The following SLC14A2 variants were observed in gnomAD, a reference collection of about 807,000 sequenced individuals.
SLC14A2 encodes urea transporter 2.
A neutral mutation model predicts 104.6 loss-of-function variants in SLC14A2; 91 were observed. The ratio of observed to expected loss-of-function variants is 0.87; its 90% confidence interval spans 0.73 to 1.04. SLC14A2 has a LOEUF of 1.04. Ranked by LOEUF, SLC14A2 falls within the 50% of genes least tolerant of loss-of-function variation. The pLI, the probability that SLC14A2 is intolerant of heterozygous loss-of-function variation, is 0.00. For missense variants in SLC14A2, 1,189 were observed against 1,156.0 expected (o/e 1.03, Z -0.41); for synonymous variants, 476 against 466.4 (o/e 1.02, Z -0.27).
At chr18:45,237,904 C>A (rs1200663960) in intron 1 of SLC14A2, among the ~76,000 whole-genome samples, 1 of 152,338 alleles carries the variant, frequency 6.6e-6, no homozygotes, top group East Asian at 1.9e-4. Context: ...TAGTTTAGTT[C>A]TTTTCCCTTG....
intron 1 of SLC14A2, among the ~76,000 whole-genome samples, chr18:45,261,965 T>A (rs1383082338): frequency 6.6e-6 from 1 of 152,198 alleles, no homozygotes; most frequent in African/African-American, 2.4e-5. Context: ...TAGTTCTAGA[T>A]CCCTGAGGAA....
intron 1 of SLC14A2, among the ~76,000 whole-genome samples, chr18:45,349,013 C>T (rs550704798): frequency 2.0e-5 from 3 of 152,160 alleles, no homozygotes; most frequent in Non-Finnish European, 4.4e-5. Context: ...GTGATAAACC[C>T]GTTGTTGACT....
chr18:45,665,228 G>T (rs946465974), intron 11 of SLC14A2, among the ~76,000 whole-genome samples: 2 of 152,102 alleles, frequency 1.3e-5, no homozygotes, highest in Non-Finnish European at 2.9e-5. Flanking sequence ...CAGAACGGGG[G>T]AACAGGCAAT....
chr18:45,660,983 T>G (rs1266573034), intron 10 of SLC14A2, among the ~76,000 whole-genome samples: 1 of 152,242 alleles, frequency 6.6e-6, no homozygotes, highest in Non-Finnish European at 1.5e-5. Context: ...GCTGCTGCCC[T>G]CCCTGGGTGG....
upstream of SLC14A2, among the ~76,000 whole-genome samples, chr18:45,208,434 C>T (rs2083933545): frequency 6.6e-6 from 1 of 152,134 alleles, no homozygotes; most frequent in African/African-American, 2.4e-5. Flanking sequence ...TGAGTTAACG[C>T]AGGTGGCCAA....
chr18:45,504,341 T>C (rs915393556), intron 2 of SLC14A2, among the ~76,000 whole-genome samples: 1 of 152,142 alleles, frequency 6.6e-6, no homozygotes, highest in Non-Finnish European at 1.5e-5. Flanking sequence ...ATAATGAATT[T>C]GCTAATCATA....
At chr18:45,183,675 C>T in the SLC14A2 span, among the ~76,000 whole-genome samples, 8 of 150,484 alleles carry the variant, frequency 5.3e-5, no homozygotes, top group African/African-American at 9.8e-5. Context: ...TTCTGTCTTT[C>T]TTTCTTTCTC....
intron 1 of SLC14A2, among the ~76,000 whole-genome samples, chr18:45,368,817 G>A (rs2085692755): frequency 6.6e-6 from 1 of 152,174 alleles, no homozygotes; most frequent in African/African-American, 2.4e-5. Context: ...GTTGGACACT[G>A]AAGTGTTCCG....
At chr18:45,342,237 T>A (rs1011738047) in intron 1 of SLC14A2, among the ~76,000 whole-genome samples, 1 of 152,140 alleles carries the variant, frequency 6.6e-6, no homozygotes, top group Non-Finnish European at 1.5e-5. Flanking sequence ...ATAATAATAA[T>A]AAAGGAATGC....
intron 1 of SLC14A2, among the ~76,000 whole-genome samples, chr18:45,402,417 T>C (rs1029072858): frequency 6.6e-6 from 1 of 152,250 alleles, no homozygotes; most frequent in Non-Finnish European, 1.5e-5. Flanking sequence ...CTCATCGCTG[T>C]CATTATTACT....
At chr18:45,399,107 C>G (rs1202545617) in intron 1 of SLC14A2, among the ~76,000 whole-genome samples, 2 of 152,054 alleles carry the variant, frequency 1.3e-5, no homozygotes, top group Admixed American at 6.6e-5. Context: ...TATGATTGCC[C>G]CCAATATTGA....
intron 1 of SLC14A2, among the ~76,000 whole-genome samples, chr18:45,451,864 T>C (rs1320526880): frequency 6.6e-6 from 1 of 152,182 alleles, no homozygotes; most frequent in African/African-American, 2.4e-5. Context: ...GATCATATTA[T>C]GGGTTCGGTT....
chr18:45,619,814 C>T (rs1352187738), intron 1 of SLC14A2, among the ~76,000 whole-genome samples: 1 of 152,198 alleles, frequency 6.6e-6, no homozygotes, highest in African/African-American at 2.4e-5. Context: ...CATCTGGCTG[C>T]TCCCACCCTC....
intron 1 of SLC14A2, among the ~76,000 whole-genome samples, chr18:45,327,412 G>T (rs1395221060): frequency 6.6e-6 from 1 of 152,020 alleles, no homozygotes; most frequent in Non-Finnish European, 1.5e-5. Flanking sequence ...CAGCTCAGTG[G>T]CATTAAGTAC....
chr18:45,623,298 GAAGGAC>G (rs2045205916), intron 1 of SLC14A2, among the ~76,000 whole-genome samples: 1 of 152,184 alleles, frequency 6.6e-6, no homozygotes, highest in South Asian at 2.1e-4. Context: ...CTGGAGATGA[GAAGGAC>G]AAGGATCTGA....
intron 1 of SLC14A2, among the ~76,000 whole-genome samples, chr18:45,280,840 A>G (rs2084755047): frequency 6.6e-6 from 1 of 152,028 alleles, no homozygotes; most frequent in African/African-American, 2.4e-5. Flanking sequence ...GGGAAATGCA[A>G]TTCTGCCCTT....
chr18:45,667,175 G>A lies in SLC14A2; in HGVS notation c.1717+81G>A. On this transcript the variant is annotated intron_variant, in intron 13 of 19. Coordinates refer to ENST00000255226, the MANE Select transcript of SLC14A2 (RefSeq NM_007163.4). ...TCCCCAGGAAACCCATTGCCATGGG[G>A]GTTCCCTATAGACTAGACTTAGACT... The A allele has an allele frequency of 3.4e-6, 4 of 1,163,326 alleles. No individual in the cohort carries two copies. The South Asian group carries it at 5.9e-5, about 17-fold the overall frequency. The allele number at this position is 1,163,326 out of a possible 1,614,324, so 72.1% of individuals were successfully genotyped here.
chr18:45,672,824 GC>G lies in SLC14A2; in HGVS notation c.2230-74del, dbSNP rs2046163465. The G allele has an allele frequency of 1.1e-5, 15 of 1,420,346 alleles. No homozygotes were observed. The South Asian group carries it at 2.1e-4, about 20-fold the overall frequency. The allele number at this position is 1,420,346 out of a possible 1,614,324, so 88.0% of individuals were successfully genotyped here. A position where few individuals can be genotyped will look rare whatever the true frequency, so the allele number is the denominator to read the frequency against. On this transcript the variant is annotated intron_variant, in intron 16 of 19. Coordinates refer to ENST00000255226, the MANE Select transcript of SLC14A2 (RefSeq NM_007163.4). ...AAAATGTTAGTGGGAAGGGTTCAGT[GC>G]CAAGTCTCTTGCAGCCAAGGTCAAG...
At chr18:45,477,651 G>T (rs1304737227) in intron 1 of SLC14A2, among the ~76,000 whole-genome samples, 1 of 152,204 alleles carries the variant, frequency 6.6e-6, no homozygotes, top group African/African-American at 2.4e-5. Flanking sequence ...CATGACTGGG[G>T]CTGCTGCCTT....
Sources: allele counts gnomAD v4.1 joint callset (sites outside exome capture counted in the v4.1 genomes callset), GRCh38; gene constraint gnomAD v4.1.1; transcripts MANE v1.5; gene names NCBI Gene and HGNC (gene_info 2026-07-23, HGNC 2026-07-21).